The following NF1 variants were observed in gnomAD, a reference collection of about 807,000 sequenced individuals.
NF1 encodes neurofibromin.
A neutral mutation model predicts 325.7 loss-of-function variants in NF1; 122 were observed. The observed-to-expected ratio is 0.37, with a 90% CI of 0.32 to 0.44. The LOEUF is 0.44. NF1 is among the 20% of genes least tolerant of loss of function. The pLI, the probability that NF1 is intolerant of heterozygous loss-of-function variation, is 1.00. For missense variants in NF1, 2,140 were observed against 3,415.4 expected, an observed-to-expected ratio of 0.63 and a Z score of 9.31; for synonymous variants, 1,091 against 1,186.0, an observed-to-expected ratio of 0.92 and a Z score of 1.65.
At chr17:31,198,076 A>T (rs2066466032) in intron 8 of NF1, among the ~76,000 whole-genome samples, 1 of 152,010 alleles carries the variant, frequency 6.6e-6, no homozygotes, top group Non-Finnish European at 1.5e-5. Flanking sequence ...TTTCTTCTTC[A>T]TTCTATTAAT....
At chr17:31,285,472 A>G (rs1424646224) in intron 36 of NF1, among the ~76,000 whole-genome samples, 1 of 152,170 alleles carries the variant, frequency 6.6e-6, no homozygotes, top group Non-Finnish European at 1.5e-5. Flanking sequence ...ACATTCTTGT[A>G]GAATGTGGAA....
At chr17:31,317,691 A>G (rs1275683620) in intron 36 of NF1, 5 of 152,220 alleles carry the variant, frequency 3.3e-5, no homozygotes, top group African/African-American at 9.6e-5. Context: ...GTTTTAATTT[A>G]TTATACAAAA....
intron 1 of NF1, among the ~76,000 whole-genome samples, chr17:31,139,375 G>GACAC (rs58863782): frequency 0.078 from 11,275 of 144,036 alleles, 514 homozygotes; most frequent in African/African-American, 0.13. Flanking sequence ...GTTTTACACA[G>GACAC]ACACACACAC....
intron 31 of NF1, 46 bp from the exon 32 acceptor site, chr17:31,258,298 A>G: frequency 6.2e-7 from 1 of 1,608,502 alleles, no homozygotes. Flanking sequence ...TCATGTCTTT[A>G]TATTAATTCA....
intron 47 of NF1, among the ~76,000 whole-genome samples, chr17:31,341,659 TTAA>T (rs1270955884): frequency 3.4e-5 from 5 of 148,950 alleles, no homozygotes; most frequent in African/African-American, 1.2e-4. Flanking sequence ...CCAATTAAGG[TTAA>T]TAAATGTTAG....
Position 31,189,513 on chromosome 17 carries a change from C to T in NF1, c.888+6848C>T, listed in dbSNP as rs529197859. Among the ~76,000 whole-genome samples, 11 of 152,200 alleles carry T rather than the reference C, an allele frequency of 7.2e-5. No homozygotes were observed. The East Asian group carries it at 1.5e-3, about 21-fold the overall frequency. On this transcript the variant is annotated intron_variant, in intron 8 of 57. Transcript: ENST00000358273. Reference sequence around the variant, plus strand: ...ATTTTCATCTTCCCAAAAAGAAACCCGTTAGTAATCACTCCCTGTTCCTCT... The same window carrying T: ...ATTTTCATCTTCCCAAAAAGAAACCTGTTAGTAATCACTCCCTGTTCCTCT...
intron 56 of NF1, chr17:31,359,917 AG>A: frequency 6.1e-6 from 1 of 163,120 alleles, no homozygotes; most frequent in Non-Finnish European, 1.3e-5. Context: ...TTTTAGATAC[AG>A]GGGGTGCTAA....
intron 36 of NF1, among the ~76,000 whole-genome samples, chr17:31,315,773 C>A (rs1187645254): frequency 6.6e-6 from 1 of 152,146 alleles, no homozygotes; most frequent in Non-Finnish European, 1.5e-5. Flanking sequence ...ACTGCTTTTT[C>A]CTGGTCACTG....
chr17:31,163,987 A>G (rs978116434), intron 4 of NF1, among the ~76,000 whole-genome samples: 1 of 152,256 alleles, frequency 6.6e-6, no homozygotes, highest in African/African-American at 2.4e-5. Flanking sequence ...TTTTAAATGT[A>G]TGTAAAATAC....
chr17:31,155,662 T>C (rs913676195), intron 1 of NF1, among the ~76,000 whole-genome samples: 6 of 152,256 alleles, frequency 3.9e-5, no homozygotes, highest in Non-Finnish European at 7.3e-5. Context: ...TTTCTTCTTA[T>C]ATAGTGCTGG....
intron 1 of NF1, among the ~76,000 whole-genome samples, chr17:31,097,521 G>C: frequency 6.7e-6 from 1 of 149,252 alleles, no homozygotes. Flanking sequence ...AAGCAAGAAA[G>C]TGTTTCTCCT....
Position 31,135,823 on chromosome 17 carries a change from T to A in NF1, c.61-20160T>A, listed in dbSNP as rs1915726303. Among the ~76,000 whole-genome samples the A allele has an allele frequency of 1.3e-5, 2 of 152,066 alleles. 1 individual carries two copies. The highest frequency in any genetic ancestry group is 4.8e-5 in the African/African-American group (2 of 41,414). On this transcript the variant is annotated intron_variant, in intron 1 of 57. Coordinates refer to ENST00000358273, the MANE Select transcript of NF1 (RefSeq NM_001042492.3). ...AACTCCTGAGCTCAAGCGATCCACCTGCCTCAGCTTCCCAAAGTGTTGTGA... is the reference window on the plus strand; with the variant it reads ...AACTCCTGAGCTCAAGCGATCCACCAGCCTCAGCTTCCCAAAGTGTTGTGA...
intron 36 of NF1, among the ~76,000 whole-genome samples, chr17:31,306,141 C>T (rs146932551): frequency 1.9e-4 from 29 of 152,254 alleles, no homozygotes; most frequent in Non-Finnish European, 2.9e-4. Context: ...ACTGTTCCTT[C>T]ACTAATATTC....
intron 18 of NF1, 95 bp downstream of exon 18, chr17:31,226,779 T>C: frequency 6.6e-7 from 1 of 1,525,840 alleles, no homozygotes; most frequent in Non-Finnish European, 9.0e-7. Flanking sequence ...TTTGTAAGTT[T>C]ACAGGGGAAA....
chr17:31,171,080 A>G (rs1035387721), intron 5 of NF1, among the ~76,000 whole-genome samples: 1 of 152,148 alleles, frequency 6.6e-6, no homozygotes, highest in African/African-American at 2.4e-5. Context: ...TAACTATCTC[A>G]CCAGAGATGT....
At chr17:31,248,518 A>G (rs544991373) in intron 29 of NF1, among the ~76,000 whole-genome samples, 49 of 152,136 alleles carry the variant, frequency 3.2e-4, no homozygotes, top group African/African-American at 9.2e-4. Flanking sequence ...TTTTTCAGTT[A>G]TCTCAAAGTT....
At chr17:31,335,180 C>A in intron 40 of NF1, 149 bp downstream of exon 40, 1 of 651,652 alleles carries the variant, frequency 1.5e-6, no homozygotes, top group Non-Finnish European at 2.6e-6. Context: ...GACACTCACC[C>A]AGCTCTTCAT....
intron 35 of NF1, among the ~76,000 whole-genome samples, chr17:31,264,766 G>C (rs1168474685): frequency 6.6e-6 from 1 of 152,122 alleles, no homozygotes; most frequent in Admixed American, 6.5e-5. Flanking sequence ...TCAGAATCGA[G>C]ATTAGGATGG....
intron 1 of NF1, chr17:31,136,898 T>TA (rs1915828362): frequency 1.3e-5 from 2 of 152,230 alleles, no homozygotes; most frequent in African/African-American, 2.4e-5. Context: ...TCTTGGAACT[T>TA]ATGCCCCATG....
Sources: gnomAD v4.1 joint callset for allele counts (sites outside exome capture counted in the v4.1 genomes callset) on GRCh38, gnomAD v4.1.1 for gene constraint, MANE v1.5 for transcripts, NCBI Gene and HGNC (gene_info 2026-07-23, HGNC 2026-07-21) for gene names.